HS2ST1: variants seen among roughly 807,000 people sequenced by gnomAD.
The protein encoded by HS2ST1 is heparan sulfate 2-O-sulfotransferase 1, also known as 2-O-sulfotransferase.
A neutral mutation model predicts 42.9 loss-of-function variants in HS2ST1; 18 were observed. The observed-to-expected ratio is 0.42, with a 90% CI of 0.29 to 0.62. The LOEUF is 0.62. Ranked by LOEUF, HS2ST1 falls within the 20% of genes least tolerant of loss-of-function variation. The pLI, the probability that HS2ST1 is intolerant of heterozygous loss-of-function variation, is 0.21. For synonymous variants in HS2ST1, 146 were observed against 152.9 expected, an observed-to-expected ratio of 0.95 and a Z score of 0.33; for missense variants, 334 against 433.8, an observed-to-expected ratio of 0.77 and a Z score of 2.04.
chr1:87,059,549 A>G (rs1651066985), intron 1 of HS2ST1, among the ~76,000 whole-genome samples: 1 of 152,222 alleles, frequency 6.6e-6, no homozygotes, highest in African/African-American at 2.4e-5. Flanking sequence ...AAAAGCATGT[A>G]TAGTTGGACT....
chr1:87,074,577 G>A (rs982870697), intron 2 of HS2ST1, among the ~76,000 whole-genome samples: 1 of 152,074 alleles, frequency 6.6e-6, no homozygotes. Flanking sequence ...TAAATCTGGA[G>A]GAGCTCACCA....
At chr1:87,016,080 G>C (rs527688462) in intron 1 of HS2ST1, among the ~76,000 whole-genome samples, 1 of 152,196 alleles carries the variant, frequency 6.6e-6, no homozygotes, top group Non-Finnish European at 1.5e-5. Context: ...CTCCCAAAGT[G>C]CTGGGATTAC....
intron 1 of HS2ST1, among the ~76,000 whole-genome samples, chr1:87,050,995 T>G (rs1434039949): frequency 6.6e-6 from 1 of 152,000 alleles, no homozygotes; most frequent in Non-Finnish European, 1.5e-5. Context: ...AACCTTCACT[T>G]TTAACATTAT....
intron 1 of HS2ST1, among the ~76,000 whole-genome samples, chr1:86,929,961 A>G (rs1484167459): frequency 6.6e-6 from 1 of 151,852 alleles, no homozygotes; most frequent in Non-Finnish European, 1.5e-5. Context: ...TTTAGAAAAG[A>G]CAAAATTCTT....
intron 1 of HS2ST1, among the ~76,000 whole-genome samples, chr1:86,940,003 A>G (rs185772198): frequency 6.6e-6 from 1 of 152,300 alleles, no homozygotes; most frequent in African/African-American, 2.4e-5. Context: ...ACTGTTAGCA[A>G]TATTTTTTTG....
chr1:87,006,427 T>TA (rs1161020420), intron 1 of HS2ST1, among the ~76,000 whole-genome samples: 5 of 152,134 alleles, frequency 3.3e-5, no homozygotes, highest in African/African-American at 1.2e-4. Context: ...ACAGAGCACT[T>TA]ACTAGTCAAC....
At chr1:87,068,529 C>A (rs888162269) in intron 1 of HS2ST1, among the ~76,000 whole-genome samples, 4 of 152,148 alleles carry the variant, frequency 2.6e-5, no homozygotes, top group African/African-American at 9.7e-5. Context: ...TTCCTCTTTT[C>A]CTAATTGAAT....
intron 1 of HS2ST1, among the ~76,000 whole-genome samples, chr1:87,038,430 T>C (rs1650437013): frequency 6.6e-6 from 1 of 152,140 alleles, no homozygotes; most frequent in Non-Finnish European, 1.5e-5. Flanking sequence ...ACATTTAGGG[T>C]ACTGTTGTAA....
chr1:86,918,088 G>A (rs1422996691), intron 1 of HS2ST1, among the ~76,000 whole-genome samples: 1 of 152,024 alleles, frequency 6.6e-6, no homozygotes, highest in East Asian at 1.9e-4. Flanking sequence ...TCTGATAGTG[G>A]CTTTAATATA....
rs1190460740 is a variant in HS2ST1 at position 87,101,147 on chromosome 1, GTGTTTTT to G, written c.687-2276_687-2270del. On this transcript the variant is annotated intron_variant, in intron 5 of 6. Coordinates refer to ENST00000370550, the MANE Select transcript of HS2ST1 (RefSeq NM_012262.4). ...AGTCATCACTTTTGTGTGTGTGTGT[GTGTTTTT>G]TGTTTTTTTTTTTTTTTTTTTTTTT... Among the ~76,000 whole-genome samples the G allele has an allele frequency of 1.8e-3, 134 of 75,796 alleles. 8 individuals are homozygous for G. The highest frequency in any genetic ancestry group is 2.8e-3 in the African/African-American group (56 of 20,254). 49.7% of individuals were successfully genotyped at this position (75,796 alleles called of 152,430 possible). A position where few individuals can be genotyped will look rare whatever the true frequency, so the allele number is the denominator to read the frequency against.
intron 1 of HS2ST1, among the ~76,000 whole-genome samples, chr1:87,013,291 AG>A (rs1649656886): frequency 6.6e-6 from 1 of 152,232 alleles, no homozygotes; most frequent in Admixed American, 6.5e-5. Context: ...ATCTAGGTGG[AG>A]GTTCCCAAAC....
At chr1:87,010,427 C>T (rs937434699) in intron 1 of HS2ST1, among the ~76,000 whole-genome samples, 6 of 151,874 alleles carry the variant, frequency 4.0e-5, no homozygotes, top group South Asian at 2.1e-4. Flanking sequence ...GTTTACAAAA[C>T]GTATTATGTC....
At chr1:86,953,741 A>G (rs1183300253) in intron 1 of HS2ST1, among the ~76,000 whole-genome samples, 1 of 152,174 alleles carries the variant, frequency 6.6e-6, no homozygotes, top group East Asian at 1.9e-4. Context: ...CCTGGGTGAC[A>G]GAGTGAGACT....
intron 3 of HS2ST1, among the ~76,000 whole-genome samples, chr1:87,087,577 A>G (rs1327879114): frequency 6.6e-6 from 1 of 152,136 alleles, no homozygotes; most frequent in Non-Finnish European, 1.5e-5. Context: ...ATTAGGTCTG[A>G]AATTCTAAAC....
At chr1:86,983,768 C>T (rs142934818) in intron 1 of HS2ST1, among the ~76,000 whole-genome samples, 3,642 of 151,888 alleles carry the variant, frequency 0.024, 46 homozygotes, top group South Asian at 0.054. Context: ...CAAGGCAAGG[C>T]ACGGTGGCTC....
At chr1:86,945,719 T>C (rs1365915908) in intron 1 of HS2ST1, among the ~76,000 whole-genome samples, 1 of 152,188 alleles carries the variant, frequency 6.6e-6, no homozygotes, top group Non-Finnish European at 1.5e-5. Flanking sequence ...AATATAAATC[T>C]ACTACAGGAA....
intron 1 of HS2ST1, among the ~76,000 whole-genome samples, chr1:86,997,476 T>C (rs936263398): frequency 7.2e-6 from 1 of 139,204 alleles, no homozygotes; most frequent in Non-Finnish European, 1.5e-5. Flanking sequence ...TATTCACCTG[T>C]GTAAATTGTG....
chr1:87,098,206 C>T, intron 5 of HS2ST1: 1 of 769,154 alleles, frequency 1.3e-6, no homozygotes, highest in South Asian at 5.8e-5. Context: ...TGTATTCCAG[C>T]AGAGCTCTTA....
At chr1:87,081,417 T>C (rs1651685499) in intron 2 of HS2ST1, among the ~76,000 whole-genome samples, 1 of 152,084 alleles carries the variant, frequency 6.6e-6, no homozygotes, top group Non-Finnish European at 1.5e-5. Context: ...CACATGGAAA[T>C]TAAACAACGT....
Sources: gnomAD v4.1 joint callset for allele counts (sites outside exome capture counted in the v4.1 genomes callset) on GRCh38, gnomAD v4.1.1 for gene constraint, MANE v1.5 for transcripts, NCBI Gene and HGNC (gene_info 2026-07-23, HGNC 2026-07-21) for gene names.